GIPC2: variants seen among roughly 807,000 people sequenced by gnomAD.
GIPC2 encodes GIPC PDZ domain containing family member 2.
GIPC2 carries 30 observed loss-of-function variants against 30.6 expected under a neutral mutation model. The ratio of observed to expected loss-of-function variants is 0.98; its 90% CI spans 0.73 to 1.33. The LOEUF (loss-of-function observed/expected upper bound fraction) is 1.33. GIPC2 is among the 40% of genes most tolerant of loss of function. The pLI, the probability that GIPC2 is intolerant of heterozygous loss-of-function variation, is 0.00. For synonymous variants in GIPC2, 167 were observed against 150.0 expected, an observed-to-expected ratio of 1.11 and a Z score of -0.83; for missense variants, 414 against 390.3, an observed-to-expected ratio of 1.06 and a Z score of -0.51.
chr1:78,063,504 C>CAA (rs141644337), intron 1 of GIPC2, among the ~76,000 whole-genome samples: 4,807 of 145,262 alleles, frequency 0.033, 166 homozygotes, highest in African/African-American at 0.097. Context: ...AAAAAACAAA[C>CAA]AAAAAAAAAA....
intron 3 of GIPC2, among the ~76,000 whole-genome samples, chr1:78,116,876 T>C (rs1005963840): frequency 1.3e-5 from 2 of 152,198 alleles, no homozygotes; most frequent in African/African-American, 2.4e-5. Context: ...TACCCAGTAA[T>C]GGGATGGCTG....
At chr1:78,124,548 C>T (rs1281398795) in intron 4 of GIPC2, among the ~76,000 whole-genome samples, 1 of 152,188 alleles carries the variant, frequency 6.6e-6, no homozygotes, top group Admixed American at 6.5e-5. Flanking sequence ...TTTCATGGTA[C>T]ACAGGACTCC....
intron 4 of GIPC2, among the ~76,000 whole-genome samples, chr1:78,121,396 A>G (rs935047486): frequency 2.0e-5 from 3 of 152,082 alleles, no homozygotes; most frequent in South Asian, 2.1e-4. Context: ...TATGTGTTTG[A>G]AGGGAAAAAC....
intron 1 of GIPC2, among the ~76,000 whole-genome samples, chr1:78,047,403 G>A (rs74730934): frequency 1.3e-5 from 2 of 152,156 alleles, no homozygotes; most frequent in Non-Finnish European, 2.9e-5. Context: ...ACGAAAGAGA[G>A]CTTAAAGTGT....
At chr1:78,110,173 C>T (rs1261130095) in intron 3 of GIPC2, among the ~76,000 whole-genome samples, 5 of 149,864 alleles carry the variant, frequency 3.3e-5, no homozygotes, top group Non-Finnish European at 7.4e-5. Context: ...TAACCTAAAA[C>T]TTAAAGTAAA....
intron 3 of GIPC2, among the ~76,000 whole-genome samples, chr1:78,095,513 C>A (rs1048469614): frequency 6.6e-6 from 1 of 152,084 alleles, no homozygotes; most frequent in South Asian, 2.1e-4. Flanking sequence ...ATCTCAGCAG[C>A]AAAAATTATA....
chr1:78,129,033 A>AATAAATG (rs758472907), intron 5 of GIPC2, among the ~76,000 whole-genome samples: 193 of 92,100 alleles, frequency 2.1e-3, no homozygotes, highest in Non-Finnish European at 3.9e-3. Context: ...TAAATAAATG[A>AATAAATG]AAAAAAAAAG....
intron 2 of GIPC2, among the ~76,000 whole-genome samples, chr1:78,089,585 A>T (rs901888474): frequency 6.6e-6 from 1 of 152,154 alleles, no homozygotes; most frequent in African/African-American, 2.4e-5. Flanking sequence ...GGCTCAAGTG[A>T]TCCCTCTCTC....
chr1:78,112,380 T>C, intron 3 of GIPC2: 1 of 517,118 alleles, frequency 1.9e-6, no homozygotes, highest in South Asian at 1.4e-5. Context: ...CTTGTTGACC[T>C]TCTCTGTGTC....
intron 5 of GIPC2, among the ~76,000 whole-genome samples, chr1:78,132,823 A>G (rs1165486499): frequency 6.6e-6 from 1 of 151,792 alleles, no homozygotes; most frequent in African/African-American, 2.4e-5. Flanking sequence ...ACATTTTCTT[A>G]TGTCTTTTAT....
chr1:78,082,150 A>G (rs1661842949), intron 2 of GIPC2, among the ~76,000 whole-genome samples: 1 of 152,116 alleles, frequency 6.6e-6, no homozygotes, highest in Non-Finnish European at 1.5e-5. Context: ...TATTTTACAG[A>G]TGTGGAAACA....
At chr1:78,091,428 G>GT in intron 2 of GIPC2, 1 of 566,868 alleles carries the variant, frequency 1.8e-6, no homozygotes, top group Non-Finnish European at 3.2e-6. Flanking sequence ...GGCCGCAGGG[G>GT]CGGAGCCAGG....
chr1:78,089,414 T>C (rs796596938), intron 2 of GIPC2, among the ~76,000 whole-genome samples: 7 of 152,372 alleles, frequency 4.6e-5, no homozygotes, highest in African/African-American at 1.7e-4. Flanking sequence ...ATAGCTAATA[T>C]TTTAATATTA....
At chr1:78,084,533 G>A (rs1368993681) in intron 2 of GIPC2, among the ~76,000 whole-genome samples, 3 of 148,014 alleles carry the variant, frequency 2.0e-5, no homozygotes, top group Non-Finnish European at 4.5e-5. Flanking sequence ...AAAAAATTAC[G>A]AACTCGTAAC....
chr1:78,113,952 GT>G (rs1347925747), intron 3 of GIPC2, among the ~76,000 whole-genome samples: 10 of 149,790 alleles, frequency 6.7e-5, no homozygotes, highest in Non-Finnish European at 1.5e-4. Flanking sequence ...ATAACTCCTT[GT>G]TTTACACTCA....
At chr1:78,060,439 C>T (rs570552930) in intron 1 of GIPC2, among the ~76,000 whole-genome samples, 2 of 152,268 alleles carry the variant, frequency 1.3e-5, no homozygotes, top group South Asian at 4.2e-4. Flanking sequence ...ACCACTGCAG[C>T]CGACCGACCC....
intron 1 of GIPC2, among the ~76,000 whole-genome samples, chr1:78,057,631 A>G (rs1661320531): frequency 6.6e-6 from 1 of 152,220 alleles, no homozygotes; most frequent in Non-Finnish European, 1.5e-5. Context: ...GTTTACTTTG[A>G]TCATTTGTAC....
At chr1:78,080,393 A>G (rs1571493173) in intron 1 of GIPC2, among the ~76,000 whole-genome samples, 1 of 152,170 alleles carries the variant, frequency 6.6e-6, no homozygotes, top group South Asian at 2.1e-4. Flanking sequence ...TGGTGATACC[A>G]ATGTCCTTTA....
rs1421884564 is a variant in GIPC2 at position 78,080,717 on chromosome 1, A to C, written c.283A>C (p.Arg95=). 6.2e-7 allele frequency: 1 copy of C among 1,609,194 alleles called. No homozygotes were observed. The highest frequency in any genetic ancestry group is 1.7e-5 in the Admixed American group (1 of 59,676). ...TLNTPKIDME[R]LLGGQLGLED... Reference sequence around the variant, plus strand: ...AAACACACCTAAAATTGACATGGAAAGACTCTTAGGAGGACAACTAGGACT... The same window carrying C: ...AAACACACCTAAAATTGACATGGAACGACTCTTAGGAGGACAACTAGGACT... Residue 95 remains arginine (R), a synonymous_variant, in exon 2 of 6, where the codon AGA becomes CGA. Coordinates refer to ENST00000370759, the MANE Select transcript of GIPC2 (RefSeq NM_017655.6).
Sources: allele counts gnomAD v4.1 joint callset (sites outside exome capture counted in the v4.1 genomes callset), GRCh38; gene constraint gnomAD v4.1.1; transcripts MANE v1.5; gene names NCBI Gene and HGNC (gene_info 2026-07-23, HGNC 2026-07-21).